The following PDE8A variants were observed in gnomAD, a reference collection of about 807,000 sequenced individuals.
PDE8A encodes the protein phosphodiesterase 8A.
Under a neutral mutation model 105.0 loss-of-function variants are expected in PDE8A, and 59 were observed. The observed-to-expected ratio is 0.56, with a 90% CI of 0.46 to 0.70. PDE8A has a LOEUF of 0.70. Ranked by LOEUF, PDE8A falls within the 30% of genes least tolerant of loss-of-function variation. PDE8A has a pLI of 0.00. For missense variants in PDE8A, 1,014 were observed against 1,045.9 expected, an observed-to-expected ratio of 0.97 and a Z score of 0.42; for synonymous variants, 355 against 371.9, an observed-to-expected ratio of 0.95 and a Z score of 0.52.
intron 2 of PDE8A, among the ~76,000 whole-genome samples, chr15:85,066,315 C>T (rs1191440266): frequency 6.6e-6 from 1 of 152,030 alleles, no homozygotes; most frequent in Non-Finnish European, 1.5e-5. Context: ...AATCCCAGCA[C>T]TTTGGGAGGC....
intron 18 of PDE8A, 43 bp downstream of exon 18, chr15:85,121,057 T>C: frequency 8.3e-7 from 1 of 1,211,736 alleles, no homozygotes; most frequent in South Asian, 1.3e-5. Flanking sequence ...CTCTCTTTCT[T>C]TTTTAAACAG....
chr15:85,091,246 AT>A (rs1462015464), intron 8 of PDE8A, 65 bp downstream of exon 8: 43 of 1,369,958 alleles, frequency 3.1e-5, no homozygotes, highest in African/African-American at 4.3e-5. Flanking sequence ...CTTAGTGTTC[AT>A]TGAGTACTAC....
intron 8 of PDE8A, 102 bp downstream of exon 8, chr15:85,091,283 C>A (rs2081639189): frequency 9.6e-7 from 1 of 1,045,528 alleles, no homozygotes; most frequent in Non-Finnish European, 1.4e-6. Context: ...TTACTCCTCC[C>A]AGCAGCCCAG....
At chr15:85,134,947 G>A (rs996493608) in intron 20 of PDE8A, among the ~76,000 whole-genome samples, 8 of 152,196 alleles carry the variant, frequency 5.3e-5, no homozygotes, top group Admixed American at 1.3e-4. Context: ...TGGAGTCAGC[G>A]ACTTTAGGGA....
chr15:85,076,754 C>A lies in PDE8A; in HGVS notation c.513C>A (p.Ser171=). 6.3e-7 allele frequency: 1 copy of A among 1,596,974 alleles called. No homozygotes were observed. Among genetic ancestry groups the A allele is most frequent in the Non-Finnish European group, 8.6e-7 (1 of 1,164,506 alleles). The change falls in exon 5 of 22, where the codon TCC becomes TCA. Residue 171 remains serine, a synonymous_variant. Coordinates refer to ENST00000394553, the MANE Select transcript of PDE8A (RefSeq NM_002605.3). ...GAAGGGTGGATAGAGAAGAGTTGTC[C>A]GTAATGCCTTTCATTTCTGCTGGAT... ...VVRRVDREEL[S]VMPFISAGFT...
chr15:85,035,197 CTTTTTTTTTTTT>C (rs35548176), intron 1 of PDE8A, among the ~76,000 whole-genome samples: 12 of 57,768 alleles, frequency 2.1e-4, no homozygotes, highest in Admixed American at 7.9e-4. Flanking sequence ...TGGGTATTTC[CTTTTTTTTTTTT>C]TTTTTTTTTT....
At chr15:85,075,820 A>C (rs2081372097) in intron 3 of PDE8A, 42 bp from the exon 4 acceptor site, 1 of 1,137,878 alleles carries the variant, frequency 8.8e-7, no homozygotes, top group African/African-American at 1.6e-5. Flanking sequence ...GTTTTTAAGG[A>C]TTATTTTTAT....
intron 11 of PDE8A, among the ~76,000 whole-genome samples, chr15:85,100,713 G>T (rs1309875046): frequency 6.6e-6 from 1 of 152,190 alleles, no homozygotes; most frequent in Non-Finnish European, 1.5e-5. Context: ...CTTCAAACGT[G>T]TCATGACTTC....
intron 20 of PDE8A, among the ~76,000 whole-genome samples, chr15:85,134,076 T>C (rs2082367155): frequency 6.6e-6 from 1 of 152,208 alleles, no homozygotes; most frequent in South Asian, 2.1e-4. Flanking sequence ...GGCCACAGTT[T>C]GCTGGTCTCC....
Position 85,116,035 on chromosome 15 carries a change from T to C in PDE8A, c.1451T>C (p.Val484Ala). 6.2e-7 allele frequency: 1 copy of C among 1,613,334 alleles called. No homozygotes were observed. The highest frequency in any genetic ancestry group is 8.5e-7 in the Non-Finnish European group (1 of 1,179,268). Residue 484 changes from valine to alanine, a missense_variant, in exon 16 of 22, where the codon GTC becomes GCC. Physicochemically the swap from Val to Ala is moderately conservative, Grantham distance 64. Coordinates refer to ENST00000394553, the MANE Select transcript of PDE8A (RefSeq NM_002605.3). ...ATCACTCCCATCTCCCTTGATGATG[T>C]CCCACCACGGATAGCTCGGGCCATG... ...NIITPISLDD[V>A]PPRIARAMEN...
chr15:85,097,723 T>C (rs1048184163), intron 8 of PDE8A: 2 of 479,368 alleles, frequency 4.2e-6, no homozygotes, highest in Admixed American at 3.8e-5. Context: ...TGAAAATATA[T>C]GACCACTTAG....
At chr15:84,996,823 CAAAAA>C (rs34363361) in intron 1 of PDE8A, among the ~76,000 whole-genome samples, 3 of 53,824 alleles carry the variant, frequency 5.6e-5, no homozygotes, top group Non-Finnish European at 1.1e-4. Flanking sequence ...AAGACTCTCT[CAAAAA>C]AAAAAAAAAA....
At chr15:85,126,152 G>C in intron 19 of PDE8A, 55 bp from the exon 20 acceptor site, 2 of 1,339,374 alleles carry the variant, frequency 1.5e-6, no homozygotes, top group African/African-American at 3.0e-5. Context: ...CAGTAAGAGA[G>C]GGCTTGGCAC....
At chr15:84,999,149 C>A (rs2080025935) in intron 1 of PDE8A, among the ~76,000 whole-genome samples, 1 of 125,092 alleles carries the variant, frequency 8.0e-6, no homozygotes. Context: ...GAGACGGAAT[C>A]TTGCTCTGTC....
rs1471675626 is a variant in PDE8A at position 84,996,371 on chromosome 15, A to G, written c.186+14023A>G. Among the ~76,000 whole-genome samples the G allele has an allele frequency of 2.6e-5, 4 of 151,954 alleles. No individual in the cohort carries two copies. The East Asian group carries it at 7.7e-4, about 29-fold the overall frequency. ...TTTTAAAATTTTTAAAAAAGAGACAAGGTCTCCCCATGTTGTCCAAGTGGT... is the reference window on the plus strand; with the variant it reads ...TTTTAAAATTTTTAAAAAAGAGACAGGGTCTCCCCATGTTGTCCAAGTGGT... On this transcript the variant is annotated intron_variant, in intron 1 of 21. Coordinates refer to ENST00000394553, the MANE Select transcript of PDE8A (RefSeq NM_002605.3).
chr15:85,117,676 G>T lies in PDE8A; in HGVS notation c.1571G>T (p.Arg524Leu), dbSNP rs775184576. 2.5e-6 allele frequency: 4 copies of T among 1,614,076 alleles called. No individual in the cohort carries two copies. The Admixed American group carries it at 5.0e-5, about 20-fold the overall frequency. Residue 524 changes from arginine to leucine, a missense_variant, in exon 17 of 22, where the codon CGC becomes CTC. Physicochemically the swap from Arg to Leu is moderately radical, Grantham distance 102 (BLOSUM62 -2). Coordinates refer to ENST00000394553, the MANE Select transcript of PDE8A (RefSeq NM_002605.3). ...LIYLGLKMFA[R>L]FGICEFLHCS... ...TATCTTGGTCTCAAAATGTTTGCTC[G>T]CTTTGGAATCTGTGAATTCTTACAC...
chr15:85,065,941 C>T (rs1201396544), intron 2 of PDE8A, among the ~76,000 whole-genome samples: 2 of 152,244 alleles, frequency 1.3e-5, no homozygotes, highest in Non-Finnish European at 1.5e-5. Context: ...CTACCTCTTG[C>T]ACCTGGTGAC....
intron 1 of PDE8A, among the ~76,000 whole-genome samples, chr15:85,030,776 C>T (rs1207341450): frequency 1.3e-5 from 2 of 152,186 alleles, no homozygotes; most frequent in Non-Finnish European, 2.9e-5. Context: ...CCCTACTTTT[C>T]CTTCAAGATT....
intron 1 of PDE8A, among the ~76,000 whole-genome samples, chr15:85,050,277 T>C (rs1185278544): frequency 6.6e-6 from 1 of 152,218 alleles, no homozygotes; most frequent in East Asian, 1.9e-4. Context: ...ATTTTTACTC[T>C]GTTGATGTTG....
Sources: gnomAD v4.1 joint callset for allele counts (sites outside exome capture counted in the v4.1 genomes callset) on GRCh38, gnomAD v4.1.1 for gene constraint, MANE v1.5 for transcripts, NCBI Gene and HGNC (gene_info 2026-07-23, HGNC 2026-07-21) for gene names.